Variants in PAWR observed in about 807,000 individuals in gnomAD.
The protein encoded by PAWR is pro-apoptotic WT1 regulator, also known as PRKC apoptosis WT1 regulator protein.
A neutral mutation model predicts 32.0 loss-of-function variants in PAWR; 23 were observed. The observed-to-expected ratio is 0.72, with a 90% CI of 0.52 to 1.02. PAWR has a LOEUF of 1.02. Among genes scored for constraint, PAWR ranks in the 50% least tolerant of loss-of-function variants. The pLI, the probability that PAWR is intolerant of heterozygous loss-of-function variation, is 0.00. For missense variants in PAWR, 457 were observed against 437.7 expected, an observed-to-expected ratio of 1.04 and a Z score of -0.39; for synonymous variants, 226 against 187.1, an observed-to-expected ratio of 1.21 and a Z score of -1.70.
chr12:79,589,030 C>T lies in PAWR; in HGVS notation c.*3577G>A, dbSNP rs1277975051. 2 of 151,940 alleles carry T rather than the reference C, an allele frequency of 1.3e-5. No individual in the cohort carries two copies. The highest frequency in any genetic ancestry group is 2.9e-5 in the Non-Finnish European group (2 of 67,892). 9.4% of individuals were successfully genotyped at this position (151,940 alleles called of 1,614,324 possible). On this transcript the variant is annotated 3_prime_UTR_variant, in exon 7 of 7. Transcript: ENST00000328827. ...ACTACCTCTCAGATAATATCAATTA[C>T]AATCTTAGAGACTGTAATTGGGAAT...
intron 2 of PAWR, among the ~76,000 whole-genome samples, chr12:79,675,673 G>A (rs1878128689): frequency 6.6e-6 from 1 of 152,092 alleles, no homozygotes; most frequent in African/African-American, 2.4e-5. Flanking sequence ...TTATAAGACG[G>A]AGCTAAATAT....
chr12:79,607,232 T>TG (rs967730480), intron 4 of PAWR, among the ~76,000 whole-genome samples: 1 of 152,024 alleles, frequency 6.6e-6, no homozygotes, highest in African/African-American at 2.4e-5. Flanking sequence ...GAGACCAGCC[T>TG]GGCCAACACA....
At chr12:79,671,901 C>T (rs1877920140) in intron 2 of PAWR, among the ~76,000 whole-genome samples, 1 of 152,102 alleles carries the variant, frequency 6.6e-6, no homozygotes, top group Admixed American at 6.6e-5. Context: ...GACCCTATCT[C>T]TAAAAATAAA....
chr12:79,649,064 A>G (rs996183845), intron 2 of PAWR, among the ~76,000 whole-genome samples: 9 of 152,208 alleles, frequency 5.9e-5, no homozygotes, highest in African/African-American at 2.2e-4. Context: ...CACTGGCCCT[A>G]GCTGAACACT....
intron 2 of PAWR, among the ~76,000 whole-genome samples, chr12:79,629,627 A>C (rs1875510134): frequency 6.6e-6 from 1 of 152,010 alleles, no homozygotes; most frequent in Non-Finnish European, 1.5e-5. Context: ...TGTCAATTTG[A>C]CCCAACATTT....
chr12:79,670,966 T>C (rs1592547786), intron 2 of PAWR, among the ~76,000 whole-genome samples: 3 of 150,106 alleles, frequency 2.0e-5, no homozygotes. Flanking sequence ...GATACTAAAA[T>C]AGACTGTCAA....
At chr12:79,657,038 G>A (rs189819874) in intron 2 of PAWR, among the ~76,000 whole-genome samples, 6 of 152,262 alleles carry the variant, frequency 3.9e-5, no homozygotes, top group Non-Finnish European at 8.8e-5. Context: ...TTACGCACAT[G>A]AGGAAATACT....
chr12:79,672,396 C>T (rs1877948061), intron 2 of PAWR, among the ~76,000 whole-genome samples: 1 of 152,108 alleles, frequency 6.6e-6, no homozygotes, highest in African/African-American at 2.4e-5. Context: ...ATGTCTGTTC[C>T]CTCCACCTAG....
intron 4 of PAWR, among the ~76,000 whole-genome samples, chr12:79,598,711 G>A (rs914531022): frequency 3.3e-5 from 5 of 152,044 alleles, no homozygotes; most frequent in South Asian, 2.1e-4. Flanking sequence ...TTACTATATC[G>A]TAGAACCCTT....
At chr12:79,620,099 A>G (rs370245501) in intron 3 of PAWR, among the ~76,000 whole-genome samples, 1 of 152,238 alleles carries the variant, frequency 6.6e-6, no homozygotes, top group African/African-American at 2.4e-5. Flanking sequence ...AAATTATGGC[A>G]TAACATGCTA....
chr12:79,657,750 C>T (rs1429292890), intron 2 of PAWR, among the ~76,000 whole-genome samples: 2 of 151,430 alleles, frequency 1.3e-5, no homozygotes, highest in African/African-American at 4.9e-5. Flanking sequence ...GCCGAGATCG[C>T]GCCACTGCAC....
At chr12:79,613,038 G>A (rs1021282212) in intron 4 of PAWR, among the ~76,000 whole-genome samples, 3 of 152,084 alleles carry the variant, frequency 2.0e-5, no homozygotes, top group African/African-American at 2.4e-5. Context: ...CTCATGATGC[G>A]ATTAGTTCCT....
At chr12:79,626,146 AGAGT>A (rs1209771509) in intron 2 of PAWR, among the ~76,000 whole-genome samples, 1 of 131,194 alleles carries the variant, frequency 7.6e-6, no homozygotes, top group East Asian at 2.3e-4. Flanking sequence ...CCTGGGCTAC[AGAGT>A]GAGACTCCAT....
Position 79,592,316 on chromosome 12 carries a change from C to T in PAWR, c.*291G>A, listed in dbSNP as rs981829972. On this transcript the variant is annotated 3_prime_UTR_variant, in exon 7 of 7. Transcript: ENST00000328827. ...ACTACCAAGATAAAATATATTCAAA[C>T]GGCTGTGACTTTAAACCATGTATTA... is the stretch of plus-strand genomic sequence containing the variant. 6 of 285,150 alleles carry T rather than the reference C, an allele frequency of 2.1e-5. No individual in the cohort carries two copies. The highest frequency in any genetic ancestry group is 1.0e-4 in the East Asian group (1 of 9,538). 17.7% of individuals were successfully genotyped at this position (285,150 alleles called of 1,614,324 possible). A position where few individuals can be genotyped will look rare whatever the true frequency, so the allele number is the denominator to read the frequency against.
At chr12:79,649,341 G>T (rs1381167139) in intron 2 of PAWR, among the ~76,000 whole-genome samples, 3 of 151,850 alleles carry the variant, frequency 2.0e-5, no homozygotes, top group Non-Finnish European at 4.4e-5. Context: ...TTATGTTAAG[G>T]ACATTTATGA....
chr12:79,622,865 G>A (rs1053336922), intron 2 of PAWR, among the ~76,000 whole-genome samples: 1 of 152,146 alleles, frequency 6.6e-6, no homozygotes, highest in Non-Finnish European at 1.5e-5. Flanking sequence ...AAGCTAACGT[G>A]TTAGCCAGCA....
intron 3 of PAWR, among the ~76,000 whole-genome samples, chr12:79,613,879 C>T (rs1874551144): frequency 7.8e-6 from 1 of 128,900 alleles, no homozygotes; most frequent in Admixed American, 8.7e-5. Flanking sequence ...CACTCATCAT[C>T]CACTCAGCTT....
At chr12:79,622,034 A>C (rs1875045914) in intron 2 of PAWR, among the ~76,000 whole-genome samples, 1 of 151,886 alleles carries the variant, frequency 6.6e-6, no homozygotes, top group Admixed American at 6.5e-5. Context: ...AAAAACAAAA[A>C]CAAAAAAAAC....
At chr12:79,667,154 G>A (rs961548674) in intron 2 of PAWR, among the ~76,000 whole-genome samples, 2 of 152,170 alleles carry the variant, frequency 1.3e-5, no homozygotes, top group African/African-American at 4.8e-5. Flanking sequence ...TGTGTCACAG[G>A]TGCATCCTTA....
Sources: gnomAD v4.1 joint callset for allele counts (sites outside exome capture counted in the v4.1 genomes callset) on GRCh38, gnomAD v4.1.1 for gene constraint, MANE v1.5 for transcripts, NCBI Gene and HGNC (gene_info 2026-07-23, HGNC 2026-07-21) for gene names.